The following PGM5 variants were observed in gnomAD, a reference collection of about 807,000 sequenced individuals.
PGM5 encodes phosphoglucomutase 5.
Under a neutral mutation model 59.2 loss-of-function variants are expected in PGM5, and 23 were observed. The observed-to-expected ratio is 0.39, with a 90% CI of 0.28 to 0.55. The LOEUF (loss-of-function observed/expected upper bound fraction) is 0.55. Ranked by LOEUF, PGM5 falls within the 20% of genes least tolerant of loss-of-function variation. The pLI is 0.66. For synonymous variants in PGM5, 214 were observed against 286.0 expected (o/e 0.75, Z 2.54); for missense variants, 574 against 748.3 (o/e 0.77, Z 2.72).
intron 10 of PGM5, among the ~76,000 whole-genome samples, chr9:68,524,192 CA>C (rs372482368): frequency 9.2e-5 from 14 of 151,904 alleles, no homozygotes; most frequent in African/African-American, 3.4e-4. Flanking sequence ...GTGTGGATGC[CA>C]AAATACTCAG....
chr9:68,522,358 A>T (rs1824912162), intron 10 of PGM5, among the ~76,000 whole-genome samples: 1 of 152,170 alleles, frequency 6.6e-6, no homozygotes, highest in Non-Finnish European at 1.5e-5. Flanking sequence ...GAGGAAGTAG[A>T]TGGGGAGAAA....
intron 10 of PGM5, among the ~76,000 whole-genome samples, chr9:68,510,264 G>C (rs938429594): frequency 6.8e-6 from 1 of 147,692 alleles, no homozygotes; most frequent in Non-Finnish European, 1.5e-5. Context: ...CCCTTCTCCT[G>C]CCTCAGCCTC....
intron 6 of PGM5, among the ~76,000 whole-genome samples, chr9:68,417,375 G>C (rs1402100332): frequency 6.6e-6 from 1 of 152,032 alleles, no homozygotes; most frequent in Non-Finnish European, 1.5e-5. Flanking sequence ...CTGCCCCCTA[G>C]ATCCCTGTCA....
chr9:68,427,286 C>T (rs1251770963), intron 6 of PGM5, among the ~76,000 whole-genome samples: 1 of 152,168 alleles, frequency 6.6e-6, no homozygotes, highest in African/African-American at 2.4e-5. Flanking sequence ...TCATCTACCC[C>T]TTAATATCAG....
intron 10 of PGM5, among the ~76,000 whole-genome samples, chr9:68,499,842 A>G (rs782318791): frequency 4.6e-5 from 7 of 152,220 alleles, no homozygotes; most frequent in Non-Finnish European, 7.3e-5. Context: ...TGGCCTTTTA[A>G]GTTAAGGAAG....
chr9:68,466,269 T>G, intron 7 of PGM5: 8 of 971,230 alleles, frequency 8.2e-6, no homozygotes, highest in Non-Finnish European at 1.0e-5. Context: ...CGATACTGTG[T>G]GTTTTTTTTT....
intron 7 of PGM5, among the ~76,000 whole-genome samples, chr9:68,478,361 G>T (rs1226757130): frequency 6.6e-6 from 1 of 152,154 alleles, no homozygotes; most frequent in East Asian, 1.9e-4. Flanking sequence ...CTGTGCCCTA[G>T]CTTGGAATAC....
At chr9:68,485,416 A>G (rs990545332) in intron 9 of PGM5, among the ~76,000 whole-genome samples, 13 of 152,206 alleles carry the variant, frequency 8.5e-5, no homozygotes, top group Non-Finnish European at 1.3e-4. Context: ...TAATTGAATC[A>G]TGGGGGTGGG....
At chr9:68,519,931 A>ATAAATAAG (rs1554689797) in intron 10 of PGM5, among the ~76,000 whole-genome samples, 1 of 150,500 alleles carries the variant, frequency 6.6e-6, no homozygotes, top group East Asian at 1.9e-4. Flanking sequence ...AAATAAATAA[A>ATAAATAAG]TAAATAAAAT....
At chr9:68,522,750 G>A (rs139593370) in intron 10 of PGM5, among the ~76,000 whole-genome samples, 2 of 152,196 alleles carry the variant, frequency 1.3e-5, no homozygotes, top group Non-Finnish European at 2.9e-5. Flanking sequence ...CCAAATCTCA[G>A]AGACTAGACC....
chr9:68,510,610 A>G (rs1235462800), intron 10 of PGM5, among the ~76,000 whole-genome samples: 1 of 152,136 alleles, frequency 6.6e-6, no homozygotes, highest in Non-Finnish European at 1.5e-5. Context: ...GTTTTGTACA[A>G]TGCCTGTGTA....
intron 7 of PGM5, among the ~76,000 whole-genome samples, chr9:68,475,123 C>T (rs1022678158): frequency 1.3e-5 from 2 of 150,998 alleles, no homozygotes; most frequent in South Asian, 2.1e-4. Context: ...AAATGATTCT[C>T]TTGCCTCAGC....
intron 10 of PGM5, among the ~76,000 whole-genome samples, chr9:68,502,932 A>AC (rs1554688759): frequency 2.6e-5 from 4 of 151,824 alleles, no homozygotes; most frequent in African/African-American, 9.7e-5. Context: ...CAAGTGATCC[A>AC]CCCGCCTCGG....
rs1367533059 is a variant in PGM5 at position 68,356,975 on chromosome 9, G to A, written c.-153G>A. 3 of 691,902 alleles carry A rather than the reference G, an allele frequency of 4.3e-6. No individual in the cohort carries two copies. Among genetic ancestry groups the A allele is most frequent in the Non-Finnish European group, 4.2e-6 (2 of 470,930 alleles). The allele number at this position is 691,902 out of a possible 1,614,324, so 42.9% of individuals were successfully genotyped here. Reference sequence around the variant, plus strand: ...GAGGAGGGGCGGGCGGTCCCCAGGCGGGCGGGTGCAGGGCGCAGGGCGCCG... The same window carrying A: ...GAGGAGGGGCGGGCGGTCCCCAGGCAGGCGGGTGCAGGGCGCAGGGCGCCG... On this transcript the variant is annotated 5_prime_UTR_variant, in exon 1 of 11. Coordinates refer to ENST00000396396, the MANE Select transcript of PGM5 (RefSeq NM_021965.4).
chr9:68,490,675 A>G (rs1056234220), intron 9 of PGM5, among the ~76,000 whole-genome samples: 6 of 152,220 alleles, frequency 3.9e-5, no homozygotes, highest in African/African-American at 4.8e-5. Context: ...CTTTGATCAC[A>G]TTCTAATCAA....
chr9:68,516,174 G>T (rs11142713), intron 10 of PGM5, among the ~76,000 whole-genome samples: 12,437 of 152,162 alleles, frequency 0.082, 526 homozygotes, highest in Middle Eastern at 0.11. Flanking sequence ...CTTAACTAAG[G>T]TCCTTATTAT....
At chr9:68,439,746 C>T (rs1182006295) in intron 6 of PGM5, among the ~76,000 whole-genome samples, 1 of 150,152 alleles carries the variant, frequency 6.7e-6, no homozygotes, top group Non-Finnish European at 1.5e-5. Context: ...AGACATGGAA[C>T]GTGTATGGCA....
intron 4 of PGM5, among the ~76,000 whole-genome samples, chr9:68,390,471 A>G (rs533818548): frequency 1.6e-4 from 25 of 152,250 alleles, no homozygotes; most frequent in African/African-American, 6.0e-4. Flanking sequence ...GACCCCATGA[A>G]CTGAGATGGG....
intron 6 of PGM5, among the ~76,000 whole-genome samples, chr9:68,400,018 C>T (rs1822625929): frequency 3.9e-5 from 6 of 152,110 alleles, no homozygotes; most frequent in Admixed American, 3.9e-4. Flanking sequence ...GTTATTTCTT[C>T]TCCATTCCTA....
Sources: gnomAD v4.1 joint callset for allele counts (sites outside exome capture counted in the v4.1 genomes callset) on GRCh38, gnomAD v4.1.1 for gene constraint, MANE v1.5 for transcripts, NCBI Gene and HGNC (gene_info 2026-07-23, HGNC 2026-07-21) for gene names.